The following MRPS28 variants were observed in gnomAD, a reference collection of about 807,000 sequenced individuals.
The protein encoded by MRPS28 is small ribosomal subunit protein bS1m.
Under a neutral mutation model 10.8 loss-of-function variants are expected in MRPS28, and 7 were observed. That is an observed-to-expected ratio of 0.65 (90% CI 0.37 to 1.22). The LOEUF (loss-of-function observed/expected upper bound fraction) is 1.22. Ranked by LOEUF, MRPS28 falls within the 50% of genes most tolerant of loss-of-function variation. MRPS28 has a pLI of 0.02. For missense variants in MRPS28, 265 were observed against 232.9 expected (o/e 1.14, Z -0.90); for synonymous variants, 121 against 93.3 (o/e 1.30, Z -1.71).
chr8:80,022,587 A>G (rs1320528014), intron 1 of MRPS28, among the ~76,000 whole-genome samples: 1 of 152,218 alleles, frequency 6.6e-6, no homozygotes, highest in Non-Finnish European at 1.5e-5. Flanking sequence ...TCAACAATGG[A>G]ATCTCCAAAG....
intron 2 of MRPS28, among the ~76,000 whole-genome samples, chr8:79,923,852 A>G (rs1400563330): frequency 6.6e-6 from 1 of 152,190 alleles, no homozygotes; most frequent in Admixed American, 6.5e-5. Context: ...TCTGAGCTGT[A>G]TAGGAAAAGG....
chr8:79,983,751 C>A (rs1182756851), intron 2 of MRPS28, among the ~76,000 whole-genome samples: 4 of 152,140 alleles, frequency 2.6e-5, no homozygotes, highest in Admixed American at 1.3e-4. Context: ...ACGAACAAAG[C>A]CTCCAAGAAA....
At chr8:79,968,581 T>G (rs1807555711) in intron 2 of MRPS28, among the ~76,000 whole-genome samples, 1 of 152,156 alleles carries the variant, frequency 6.6e-6, no homozygotes, top group African/African-American at 2.4e-5. Context: ...TCTCAGCCCC[T>G]GCAACTTTCC....
chr8:79,958,440 G>A, intron 2 of MRPS28: 1 of 665,882 alleles, frequency 1.5e-6, no homozygotes, highest in South Asian at 1.7e-5. Flanking sequence ...GGACTCCTGA[G>A]TGAAGGAGAA....
In MRPS28 at chr8:80,003,167, T is replaced by C; in HGVS notation, c.227A>G (p.Asn76Ser). The change falls in exon 2 of 3, where the codon AAT (asparagine) becomes AGT (serine). Residue 76 changes from asparagine to serine, a missense_variant. Asn to Ser is a conservative substitution (Grantham distance 46). Transcript: ENST00000276585. ...VEPLQKGSPK[N>S]VESFASMLRH... ...CAGCATAGATGCAAAGGATTCCACA[T>C]TTTTTGGAGAACCCTAAATATGAAA... The C allele has an allele frequency of 6.3e-7, 1 of 1,582,608 alleles. No individual in the cohort carries two copies. The highest frequency in any genetic ancestry group is 8.5e-7 in the Non-Finnish European group (1 of 1,169,846).
chr8:80,030,226 C>A lies in MRPS28; in HGVS notation c.23G>T (p.Arg8Leu), dbSNP rs150015248. Residue 8 changes from arginine to leucine, a missense_variant, in exon 1 of 3, where the codon CGT (arginine) becomes CTT (leucine). Coordinates refer to ENST00000276585, the MANE Select transcript of MRPS28 (RefSeq NM_014018.3). MAALCRT[R>L]AVAAESHFLR... ...AAAATGGCTCTCGGCAGCCACAGCA[C>A]GGGTCCGACACAGCGCCGCCATGAC... is the stretch of plus-strand genomic sequence containing the variant. 9.9e-6 allele frequency: 16 copies of A among 1,614,086 alleles called. No homozygotes were observed. Among genetic ancestry groups the A allele is most frequent in the Non-Finnish European group, 1.3e-5 (15 of 1,180,042 alleles).
At chr8:79,999,107 T>C (rs1031433788) in intron 2 of MRPS28, among the ~76,000 whole-genome samples, 131 of 152,280 alleles carry the variant, frequency 8.6e-4, no homozygotes, top group African/African-American at 2.8e-3. Flanking sequence ...TATGTAAATA[T>C]TTCTCTTATT....
At chr8:79,968,901 T>G (rs1045263329) in intron 2 of MRPS28, among the ~76,000 whole-genome samples, 1 of 152,178 alleles carries the variant, frequency 6.6e-6, no homozygotes, top group Non-Finnish European at 1.5e-5. Flanking sequence ...TAATTTCTAA[T>G]AAGTCAGTGA....
intron 2 of MRPS28, among the ~76,000 whole-genome samples, chr8:79,936,161 A>T (rs1806598916): frequency 6.6e-6 from 1 of 151,764 alleles, no homozygotes. Flanking sequence ...AGCCTGGGCA[A>T]CACAAAAAAT....
intron 2 of MRPS28, among the ~76,000 whole-genome samples, chr8:79,919,819 T>A (rs1397711749): frequency 6.6e-6 from 1 of 152,170 alleles, no homozygotes; most frequent in South Asian, 2.1e-4. Flanking sequence ...TTATTACACT[T>A]TAAGTTTTAG....
chr8:79,947,169 T>A (rs1226440088), intron 2 of MRPS28, among the ~76,000 whole-genome samples: 1 of 152,040 alleles, frequency 6.6e-6, no homozygotes, highest in Non-Finnish European at 1.5e-5. Flanking sequence ...TGCAGTAAAA[T>A]ACAGCCAACA....
At chr8:79,944,697 TTTTC>T (rs1254935006) in intron 2 of MRPS28, among the ~76,000 whole-genome samples, 2 of 59,942 alleles carry the variant, frequency 3.3e-5, no homozygotes, top group Non-Finnish European at 5.8e-5. Context: ...TCTTTTTCTT[TTTTC>T]TTTTTTTTTT....
intron 2 of MRPS28, among the ~76,000 whole-genome samples, chr8:79,988,107 T>C (rs916523916): frequency 2.0e-5 from 3 of 151,490 alleles, no homozygotes; most frequent in African/African-American, 7.3e-5. Context: ...AAATGATGAG[T>C]TCATGTCCTT....
chr8:79,962,289 A>G (rs1384734445), intron 2 of MRPS28, among the ~76,000 whole-genome samples: 2 of 152,104 alleles, frequency 1.3e-5, no homozygotes, highest in African/African-American at 4.8e-5. Context: ...ACAGGAGCCC[A>G]GTGCAACCAC....
intron 2 of MRPS28, among the ~76,000 whole-genome samples, chr8:79,937,747 T>C (rs1004789053): frequency 6.6e-6 from 1 of 152,250 alleles, no homozygotes; most frequent in Non-Finnish European, 1.5e-5. Flanking sequence ...AATCACTTTC[T>C]GGTTTTATTT....
At chr8:80,018,011 T>C (rs1053556876) in intron 1 of MRPS28, among the ~76,000 whole-genome samples, 2 of 152,072 alleles carry the variant, frequency 1.3e-5, no homozygotes, top group Non-Finnish European at 2.9e-5. Context: ...AACTTTAAAA[T>C]AGGCAAATAA....
intron 2 of MRPS28, among the ~76,000 whole-genome samples, chr8:79,933,847 C>T (rs1311743259): frequency 6.6e-6 from 1 of 152,134 alleles, no homozygotes; most frequent in African/African-American, 2.4e-5. Flanking sequence ...AAAGGTGTTC[C>T]TTTGACTATC....
At chr8:79,934,041 T>C (rs1806539342) in intron 2 of MRPS28, among the ~76,000 whole-genome samples, 1 of 152,196 alleles carries the variant, frequency 6.6e-6, no homozygotes, top group East Asian at 1.9e-4. Context: ...AACTAGAAAC[T>C]AGGTTTTTCC....
intron 1 of MRPS28, among the ~76,000 whole-genome samples, chr8:80,004,804 G>C (rs904550491): frequency 6.6e-6 from 1 of 152,224 alleles, no homozygotes; most frequent in Non-Finnish European, 1.5e-5. Flanking sequence ...ACCTGATGGA[G>C]CTGAAAACCA....
Sources: allele counts gnomAD v4.1 joint callset (sites outside exome capture counted in the v4.1 genomes callset), GRCh38; gene constraint gnomAD v4.1.1; transcripts MANE v1.5; gene names NCBI Gene and HGNC (gene_info 2026-07-23, HGNC 2026-07-21).